VEZT: variants seen among roughly 807,000 people sequenced by gnomAD.
VEZT encodes vezatin, adherens junctions transmembrane protein.
In VEZT, 39 loss-of-function variants were observed where a neutral mutation model predicts 79.9. That is an observed-to-expected ratio of 0.49 (90% confidence interval 0.38 to 0.64). The LOEUF (loss-of-function observed/expected upper bound fraction) is 0.64, where lower values mean the gene tolerates loss of function less well. VEZT is among the 30% of genes least tolerant of loss of function. VEZT has a pLI of 0.00. For missense variants in VEZT, 837 were observed against 893.1 expected (o/e 0.94, Z 0.80); for synonymous variants, 325 against 327.6 (o/e 0.99, Z 0.09).
chr12:95,246,660 T>C (rs188681691), intron 1 of VEZT, among the ~76,000 whole-genome samples: 1 of 152,366 alleles, frequency 6.6e-6, no homozygotes, highest in African/African-American at 2.4e-5. Context: ...TGTTATGATA[T>C]GTGTTTTCTG....
chr12:95,258,251 C>A (rs756725296), intron 3 of VEZT: 31 of 455,576 alleles, frequency 6.8e-5, no homozygotes, highest in South Asian at 4.8e-4. Context: ...CCAGGTGGAG[C>A]CATCTCATTC....
chr12:95,219,127 T>G (rs977838885), intron 1 of VEZT, among the ~76,000 whole-genome samples: 9 of 152,186 alleles, frequency 5.9e-5, no homozygotes, highest in Admixed American at 5.9e-4. Flanking sequence ...CAGACACTTG[T>G]AAGTTAAAAT....
At chr12:95,229,631 A>G (rs756574618) in intron 1 of VEZT, among the ~76,000 whole-genome samples, 3 of 152,140 alleles carry the variant, frequency 2.0e-5, no homozygotes, top group Non-Finnish European at 4.4e-5. Context: ...AAAAGAATCT[A>G]TTCATTTCCA....
intron 2 of VEZT, among the ~76,000 whole-genome samples, chr12:95,252,673 GAAAT>G (rs2062795838): frequency 6.6e-6 from 1 of 152,158 alleles, no homozygotes; most frequent in East Asian, 1.9e-4. Context: ...ACTAAAATAA[GAAAT>G]TTATGGGCCA....
At chr12:95,221,679 TA>T (rs368598048) in intron 1 of VEZT, among the ~76,000 whole-genome samples, 185 of 142,852 alleles carry the variant, frequency 1.3e-3, no homozygotes, top group Admixed American at 9.8e-4. Context: ...CCCTGCATAT[TA>T]AAAAAAAAAA....
intron 7 of VEZT, among the ~76,000 whole-genome samples, chr12:95,276,520 T>A (rs1456543804): frequency 1.3e-5 from 2 of 152,080 alleles, no homozygotes; most frequent in Non-Finnish European, 2.9e-5. Context: ...TTTGCCCACA[T>A]CAGCCTCCCA....
chr12:95,260,136 CCTT>C (rs1352312396), intron 3 of VEZT, among the ~76,000 whole-genome samples: 6 of 121,264 alleles, frequency 4.9e-5, no homozygotes, highest in Non-Finnish European at 8.3e-5. Context: ...GACAGAGTCT[CCTT>C]CTATTTTTCA....
chr12:95,220,827 T>C (rs942519071), intron 1 of VEZT, among the ~76,000 whole-genome samples: 1 of 152,242 alleles, frequency 6.6e-6, no homozygotes, highest in African/African-American at 2.4e-5. Flanking sequence ...ATGTGTTTGG[T>C]TAAACATATT....
chr12:95,240,062 AAGGAAGGAAGG>A (rs766699299), intron 1 of VEZT, among the ~76,000 whole-genome samples: 6,945 of 138,848 alleles, frequency 0.05, 287 homozygotes, highest in Non-Finnish European at 0.072. Context: ...GGAAGGAAGG[AAGGAAGGAAGG>A]AAGAAAAGAA....
rs2075231251 is a variant in VEZT at position 95,301,720 on chromosome 12, G to A, written c.*1047G>A. 3 of 152,146 alleles carry A rather than the reference G, an allele frequency of 2.0e-5. No homozygotes were observed. 9.4% of individuals were successfully genotyped at this position (152,146 alleles called of 1,614,324 possible). A position where few individuals can be genotyped will look rare whatever the true frequency, so the allele number is the denominator to read the frequency against. On this transcript the variant is annotated 3_prime_UTR_variant, in exon 12 of 12. Coordinates refer to ENST00000436874, the MANE Select transcript of VEZT (RefSeq NM_017599.4). ...TCCTATGCAATAACATAGTTCTATAGACATTATTTGGGGGAAATGTAGTAA... is the reference window on the plus strand; with the variant it reads ...TCCTATGCAATAACATAGTTCTATAAACATTATTTGGGGGAAATGTAGTAA...
At position 95,288,330 on chromosome 12, in the gene VEZT, T is replaced by A. The variant is rs555161675; in HGVS notation, c.1522+473T>A. Reference sequence around the variant, plus strand: ...CTAAGATCTAAAGACATTGTGTCATTATTTAATAATATATCAGATTGCTTT... The same window carrying A: ...CTAAGATCTAAAGACATTGTGTCATAATTTAATAATATATCAGATTGCTTT... On this transcript the variant is annotated intron_variant, in intron 9 of 11. Coordinates refer to ENST00000436874, the MANE Select transcript of VEZT (RefSeq NM_017599.4). Among the ~76,000 whole-genome samples, 3 of 152,288 alleles carry A rather than the reference T, an allele frequency of 2.0e-5. No homozygotes were observed. In the South Asian group the frequency reaches 6.2e-4, roughly 32 times the overall value.
intron 1 of VEZT, among the ~76,000 whole-genome samples, chr12:95,246,582 G>A (rs1427888925): frequency 6.6e-6 from 1 of 152,082 alleles, no homozygotes; most frequent in Non-Finnish European, 1.5e-5. Flanking sequence ...AAATGTTTCG[G>A]CCACCAGAAC....
In VEZT at chr12:95,270,131, G is replaced by A. The variant is rs369571749; in HGVS notation, c.791G>A (p.Arg264Gln). 77 of 1,611,090 alleles carry A rather than the reference G, an allele frequency of 4.8e-5. 1 individual carries two copies. The highest frequency in any genetic ancestry group is 1.8e-4 in the South Asian group (16 of 90,302). Reference sequence around the variant, plus strand: ...ATCGGTCTTCGGAAAGCTGTCTACCGAACTCTAAGAGCCAACTTCCAAGCA... The same window carrying A: ...ATCGGTCTTCGGAAAGCTGTCTACCAAACTCTAAGAGCCAACTTCCAAGCA... ...HLIGLRKAVY[R>Q]TLRANFQAAR... The change falls in exon 6 of 12, where the codon CGA becomes CAA. Residue 264 changes from arginine (R) to glutamine (Q), a missense_variant. Physicochemically the swap from Arg to Gln is conservative, Grantham distance 43. Coordinates refer to ENST00000436874, the MANE Select transcript of VEZT (RefSeq NM_017599.4).
At chr12:95,242,717 A>G (rs2061195432) in intron 1 of VEZT, among the ~76,000 whole-genome samples, 1 of 152,144 alleles carries the variant, frequency 6.6e-6, no homozygotes, top group Admixed American at 6.5e-5. Flanking sequence ...TTGTAAAAAT[A>G]CAAAAGTCAG....
chr12:95,223,608 GC>G (rs1242168075), intron 1 of VEZT, among the ~76,000 whole-genome samples: 3 of 151,998 alleles, frequency 2.0e-5, no homozygotes, highest in Non-Finnish European at 4.4e-5. Flanking sequence ...CCATCACCAT[GC>G]CCAGCTAATT....
intron 1 of VEZT, among the ~76,000 whole-genome samples, chr12:95,229,923 C>T (rs2059002003): frequency 6.6e-6 from 1 of 152,060 alleles, no homozygotes. Context: ...AACCCCATCT[C>T]TACTAAAAAT....
chr12:95,235,658 C>A, intron 1 of VEZT, among the ~76,000 whole-genome samples: 1 of 134,158 alleles, frequency 7.5e-6, no homozygotes, highest in Non-Finnish European at 1.6e-5. Context: ...GGCGGCTGGC[C>A]GGGCGGGGGG....
intron 1 of VEZT, among the ~76,000 whole-genome samples, chr12:95,219,391 G>A (rs1218980635): frequency 1.3e-5 from 2 of 152,152 alleles, no homozygotes; most frequent in African/African-American, 4.8e-5. Context: ...CTATGTAAAT[G>A]TGTGTTTATG....
In VEZT at chr12:95,236,698, G is replaced by A. The variant is rs147884794; in HGVS notation, c.37-15242G>A. On this transcript the variant is annotated intron_variant, in intron 1 of 11. Coordinates refer to ENST00000436874, the MANE Select transcript of VEZT (RefSeq NM_017599.4). ...TGATTCTCCTGCTTCAGCCTCTCCA[G>A]TAGCTGGGATTACAATAAGCCCACA... Among the ~76,000 whole-genome samples, 150 of 151,858 alleles carry A rather than the reference G, an allele frequency of 9.9e-4. 1 individual carries two copies. The highest frequency in any genetic ancestry group is 3.6e-3 in the African/African-American group (150 of 41,372).
Sources: gnomAD v4.1 joint callset for allele counts (sites outside exome capture counted in the v4.1 genomes callset) on GRCh38, gnomAD v4.1.1 for gene constraint, MANE v1.5 for transcripts, NCBI Gene and HGNC (gene_info 2026-07-23, HGNC 2026-07-21) for gene names.